The following KLHL4 variants were observed in gnomAD, a reference collection of about 807,000 sequenced individuals.
KLHL4 encodes kelch-like protein 4.
A neutral mutation model predicts 45.8 loss-of-function variants in KLHL4; 17 were observed. The observed-to-expected ratio is 0.37, with a 90% CI of 0.25 to 0.56. The LOEUF (loss-of-function observed/expected upper bound fraction) is 0.56. Ranked by LOEUF, KLHL4 falls within the 20% of genes least tolerant of loss-of-function variation. KLHL4 has a pLI of 0.79. For missense variants in KLHL4, 544 were observed against 544.9 expected, an observed-to-expected ratio of 1.00 and a Z score of 0.02; for synonymous variants, 224 against 189.9, an observed-to-expected ratio of 1.18 and a Z score of -1.47.
At chrX:87,568,383 C>CTTTTTTTTTTTTTTTTTTTTTTTT (rs756469573) in intron 1 of KLHL4, among the ~76,000 whole-genome samples, 1 of 59,220 alleles carries the variant, frequency 1.7e-5, no homozygotes, top group African/African-American at 6.5e-5. Context: ...TTTTTCTTTT[C>CTTTTTTTTTTTTTTTTTTTTTTTT]TTTTTTTCTT....
intron 9 of KLHL4, among the ~76,000 whole-genome samples, chrX:87,640,421 C>T (rs1447785770): frequency 2.7e-5 from 3 of 111,454 alleles, no homozygotes; most frequent in African/African-American, 9.8e-5. Context: ...CCATGATGAA[C>T]ATAGATGCAA....
intron 1 of KLHL4, among the ~76,000 whole-genome samples, chrX:87,592,985 T>G (rs1237700848): frequency 8.9e-6 from 1 of 111,926 alleles, no homozygotes; most frequent in Non-Finnish European, 1.9e-5. Context: ...TTTGATGTTT[T>G]ATATTCTTTC....
chrX:87,658,169 T>C (rs1337963232), intron 9 of KLHL4, among the ~76,000 whole-genome samples: 1 of 111,687 alleles, frequency 9.0e-6, no homozygotes. Context: ...GGACAATAAC[T>C]GGGGCTCCCA....
At chrX:87,623,593 A>G (rs1345564608) in intron 5 of KLHL4, among the ~76,000 whole-genome samples, 1 of 110,488 alleles carries the variant, frequency 9.1e-6, no homozygotes, top group African/African-American at 3.3e-5. Flanking sequence ...TGCCCAGTTG[A>G]TTTTTCCACA....
At chrX:87,585,845 A>C (rs1921452501) in intron 1 of KLHL4, among the ~76,000 whole-genome samples, 1 of 111,286 alleles carries the variant, frequency 9.0e-6, no homozygotes, top group Non-Finnish European at 1.9e-5. Flanking sequence ...ATGAATAAAA[A>C]AGACAAGACT....
intron 1 of KLHL4, among the ~76,000 whole-genome samples, chrX:87,590,645 T>C (rs1051513209): frequency 1.1e-4 from 12 of 111,565 alleles, no homozygotes; most frequent in Non-Finnish European, 2.3e-4. Context: ...AGCATATATA[T>C]AAACCAAAGG....
At chrX:87,583,216 T>G (rs1470588626) in intron 1 of KLHL4, among the ~76,000 whole-genome samples, 1 of 111,804 alleles carries the variant, frequency 8.9e-6, no homozygotes, top group African/African-American at 3.3e-5. Flanking sequence ...AGAGCACTGA[T>G]TAATGTGTTT....
chrX:87,550,489 C>G (rs753059116), intron 1 of KLHL4, among the ~76,000 whole-genome samples: 1 of 111,371 alleles, frequency 9.0e-6, no homozygotes, highest in Non-Finnish European at 1.9e-5. Flanking sequence ...AGAGGGAACT[C>G]TCCCTAATTC....
intron 1 of KLHL4, among the ~76,000 whole-genome samples, chrX:87,549,756 G>C (rs1931772435): frequency 9.0e-6 from 1 of 110,968 alleles, no homozygotes; most frequent in South Asian, 3.7e-4. Context: ...TAAAACCTCT[G>C]GGATACAGAA....
chrX:87,613,790 T>G, intron 1 of KLHL4, 87 bp from the exon 2 acceptor site: 2 of 640,769 alleles, frequency 3.1e-6, no homozygotes. Flanking sequence ...AAATTTCCAC[T>G]ACATGTTTGT....
intron 1 of KLHL4, among the ~76,000 whole-genome samples, chrX:87,612,468 A>C (rs1042614038): frequency 8.9e-6 from 1 of 111,739 alleles, no homozygotes; most frequent in Non-Finnish European, 1.9e-5. Flanking sequence ...TAGCCTAGTT[A>C]AGTGGTAGGC....
chrX:87,658,910 A>C (rs1159178319), intron 9 of KLHL4, among the ~76,000 whole-genome samples: 2 of 110,835 alleles, frequency 1.8e-5, no homozygotes, highest in Non-Finnish European at 3.8e-5. Flanking sequence ...CTTGCTTACA[A>C]TACTGTCTCT....
chrX:87,637,936 G>A (rs1221727493), intron 9 of KLHL4, among the ~76,000 whole-genome samples: 1 of 111,406 alleles, frequency 9.0e-6, no homozygotes, highest in Non-Finnish European at 1.9e-5. Context: ...GCAACAGAGC[G>A]AGACTCCATT....
intron 1 of KLHL4, among the ~76,000 whole-genome samples, chrX:87,551,731 A>T (rs138730149): frequency 0.023 from 2,596 of 111,657 alleles, 28 homozygotes; most frequent in Middle Eastern, 0.042. Flanking sequence ...CAGAAGAGAG[A>T]ACCCAGAAAT....
At chrX:87,560,613 G>T (rs1932076802) in intron 1 of KLHL4, among the ~76,000 whole-genome samples, 1 of 110,664 alleles carries the variant, frequency 9.0e-6, no homozygotes, top group Non-Finnish European at 1.9e-5. Context: ...ATTCTCCATT[G>T]TCCCCACTCC....
intron 9 of KLHL4, among the ~76,000 whole-genome samples, chrX:87,650,764 C>T (rs1414359682): frequency 9.0e-6 from 1 of 111,671 alleles, no homozygotes. Context: ...CTGATAAAGA[C>T]ATACCTGAGA....
chrX:87,588,349 G>A (rs1425963441), intron 1 of KLHL4, among the ~76,000 whole-genome samples: 1 of 111,697 alleles, frequency 9.0e-6, no homozygotes, highest in Non-Finnish European at 1.9e-5. Context: ...GCTATACTAA[G>A]CAAAAAGAAC....
intron 1 of KLHL4, among the ~76,000 whole-genome samples, chrX:87,580,212 T>C (rs1252212207): frequency 9.4e-6 from 1 of 106,539 alleles, no homozygotes; most frequent in Non-Finnish European, 1.9e-5. Context: ...AAAATACATA[T>C]AGAATATACA....
At chrX:87,619,781 GT>G (rs201101086) in intron 4 of KLHL4, among the ~76,000 whole-genome samples, 20,726 of 110,975 alleles carry the variant, frequency 0.19, 1,440 homozygotes, top group Non-Finnish European at 0.21. Context: ...ATGTAATATT[GT>G]TGTCTCTCTT....
Sources: gnomAD v4.1 joint callset for allele counts (sites outside exome capture counted in the v4.1 genomes callset) on GRCh38, gnomAD v4.1.1 for gene constraint, MANE v1.5 for transcripts, NCBI Gene and HGNC (gene_info 2026-07-23, HGNC 2026-07-21) for gene names.